Variants in ALPK2 observed in about 807,000 individuals in gnomAD.
ALPK2 encodes the protein alpha kinase 2, also known as alpha-protein kinase 2.
In ALPK2, 127 loss-of-function variants were observed where a neutral mutation model predicts 163.1. That is an observed-to-expected ratio of 0.78 (90% CI 0.67 to 0.90). The LOEUF is 0.90. Among genes scored for constraint, ALPK2 ranks in the 40% least tolerant of loss-of-function variants. The probability of loss-of-function intolerance (pLI) is 0.00; values close to 1 mark genes in which losing one functional copy is unlikely to be tolerated. For synonymous variants in ALPK2, 953 were observed against 959.1 expected (o/e 0.99, Z 0.12); for missense variants, 2,360 against 2,589.6 (o/e 0.91, Z 1.92).
chr18:58,611,343 G>T (rs1602239769), intron 2 of ALPK2, among the ~76,000 whole-genome samples: 1 of 151,336 alleles, frequency 6.6e-6, no homozygotes, highest in Non-Finnish European at 1.5e-5. Flanking sequence ...GAAAAAAAGT[G>T]ATTCATGCCA....
At chr18:58,514,230 A>G (rs1202629365) in intron 10 of ALPK2, among the ~76,000 whole-genome samples, 1 of 152,204 alleles carries the variant, frequency 6.6e-6, no homozygotes, top group East Asian at 1.9e-4. Flanking sequence ...GTACCACCCA[A>G]GGGAAACTAT....
At chr18:58,487,991 A>T (rs2051349040) in intron 12 of ALPK2, among the ~76,000 whole-genome samples, 1 of 152,180 alleles carries the variant, frequency 6.6e-6, no homozygotes, top group East Asian at 1.9e-4. Context: ...TGGATTCAGT[A>T]GGTCTGGAGT....
At position 58,516,994 on chromosome 18, in the gene ALPK2, A is replaced by G; in HGVS notation, c.5854T>C (p.Cys1952Arg). ...LMPVFKPGHA[C>R]VLKVHNAIAY... is the part of the protein sequence containing the mutation. Reference sequence around the variant, plus strand: ...ATGGCATTGTGCACCTTAAGCACACAGGCATGGCCAGGTTTGAAGACAGGC... The same window carrying G: ...ATGGCATTGTGCACCTTAAGCACACGGGCATGGCCAGGTTTGAAGACAGGC... Residue 1952 changes from cysteine (C) to arginine (R), a missense_variant, in exon 9 of 13, where the codon TGT becomes CGT. By Grantham distance (180) the Cys-to-Arg change is radical. Transcript: ENST00000361673. 1 of 1,614,226 alleles carries G rather than the reference A, an allele frequency of 6.2e-7. No individual in the cohort carries two copies. The highest frequency in any genetic ancestry group is 8.5e-7 in the Non-Finnish European group (1 of 1,180,032).
Position 58,534,841 on chromosome 18 carries a change from T to C in ALPK2, c.5346A>G (p.Glu1782=). 6.2e-7 allele frequency: 1 copy of C among 1,607,648 alleles called. No individual in the cohort carries two copies. Residue 1782 remains glutamate, a synonymous_variant, in exon 5 of 13, where the codon GAA becomes GAG. Transcript: ENST00000361673. ...ACAGCAACAGAACCTCACCTCTTCC[T>C]TCTCTTTTGCAAGATGGCTTTTTTG... ...QDPKKPSCKR[E]GRAPVLLKKI...
intron 3 of ALPK2, among the ~76,000 whole-genome samples, chr18:58,593,389 C>G (rs1302125119): frequency 6.6e-6 from 1 of 150,380 alleles, no homozygotes; most frequent in African/African-American, 2.5e-5. Flanking sequence ...CATGGTGAAA[C>G]CCCATCTCTA....
At chr18:58,520,507 T>A (rs1231590546) in intron 8 of ALPK2, among the ~76,000 whole-genome samples, 1 of 150,568 alleles carries the variant, frequency 6.6e-6, no homozygotes, top group Non-Finnish European at 1.5e-5. Context: ...AGATGAGTGT[T>A]GGGAGATTCA....
At chr18:58,622,691 C>T (rs1359593068) in intron 1 of ALPK2, among the ~76,000 whole-genome samples, 1 of 152,202 alleles carries the variant, frequency 6.6e-6, no homozygotes, top group Non-Finnish European at 1.5e-5. Flanking sequence ...GGGCCGACTG[C>T]TCTGTCCAGT....
chr18:58,502,183 G>GGA (rs1555661853), intron 11 of ALPK2, among the ~76,000 whole-genome samples: 2 of 80,556 alleles, frequency 2.5e-5, no homozygotes, highest in East Asian at 7.3e-4. Context: ...CACACACAAA[G>GGA]AAAAAAAAAA....
intron 4 of ALPK2, among the ~76,000 whole-genome samples, chr18:58,561,283 G>T (rs1325516018): frequency 6.6e-6 from 1 of 152,168 alleles, no homozygotes; most frequent in East Asian, 1.9e-4. Flanking sequence ...TGTGAGGAAG[G>T]GCTGGATGGT....
At chr18:58,525,471 TG>T (rs770332719) in intron 6 of ALPK2, among the ~76,000 whole-genome samples, 1 of 152,180 alleles carries the variant, frequency 6.6e-6, no homozygotes, top group Non-Finnish European at 1.5e-5. Context: ...CCCGAAGGGC[TG>T]GGGGCTGAAC....
chr18:58,502,353 TCAAA>T (rs1318045140), intron 11 of ALPK2, among the ~76,000 whole-genome samples: 5 of 151,926 alleles, frequency 3.3e-5, no homozygotes, highest in Non-Finnish European at 1.5e-5. Flanking sequence ...ACACCCTGTC[TCAAA>T]CAAATAAAAA....
In ALPK2 at chr18:58,528,952, T is replaced by A. The variant is rs904858981; in HGVS notation, c.5501+139A>T. 1.0e-5 allele frequency: 11 copies of A among 1,054,614 alleles called. No individual in the cohort carries two copies. The African/African-American group carries it at 1.8e-4, about 17-fold the overall frequency. 65.3% of individuals were successfully genotyped at this position (1,054,614 alleles called of 1,614,324 possible). ...CACTTGTCTTCCGATATTTAGTCTT[T>A]TTTAATATTGTGGATGTGGAATCTC... On this transcript the variant is annotated intron_variant, in intron 6 of 12. Coordinates refer to ENST00000361673, the MANE Select transcript of ALPK2 (RefSeq NM_052947.4).
At chr18:58,573,608 GTCT>G (rs1555673491) in intron 4 of ALPK2, among the ~76,000 whole-genome samples, 1 of 35,618 alleles carries the variant, frequency 2.8e-5, no homozygotes, top group Non-Finnish European at 5.4e-5. Flanking sequence ...TGCCATTTTT[GTCT>G]TCTTTTTTTT....
At chr18:58,603,618 T>C (rs1023507008) in intron 3 of ALPK2, among the ~76,000 whole-genome samples, 20 of 152,186 alleles carry the variant, frequency 1.3e-4, no homozygotes, top group African/African-American at 4.6e-4. Context: ...GCCTCCCTGC[T>C]GAGGAGGGGG....
intron 12 of ALPK2, among the ~76,000 whole-genome samples, chr18:58,492,504 A>C (rs573164591): frequency 1.3e-5 from 2 of 152,110 alleles, no homozygotes; most frequent in South Asian, 4.2e-4. Context: ...TCTTCACCCC[A>C]TGCTGTCCAC....
chr18:58,607,343 A>C lies in ALPK2; in HGVS notation c.206T>G (p.Ile69Ser). 6.2e-7 allele frequency: 1 copy of C among 1,613,032 alleles called. No homozygotes were observed. Among genetic ancestry groups the C allele is most frequent in the Non-Finnish European group, 8.5e-7 (1 of 1,179,342 alleles). The change falls in exon 3 of 13, where the codon ATT (isoleucine) becomes AGT (serine). Residue 69 changes from isoleucine (I) to serine (S), a missense_variant. Coordinates refer to ENST00000361673, the MANE Select transcript of ALPK2 (RefSeq NM_052947.4). ...TTACCAAGAGAGATGTAACACATGA[A>C]TATACTGATTCTCAAAGAATTCATA... ...SNYEFFENQY[I>S]HVLHLSCCTK...
chr18:58,539,775 C>G (rs2051680976), intron 4 of ALPK2, among the ~76,000 whole-genome samples: 1 of 152,174 alleles, frequency 6.6e-6, no homozygotes, highest in African/African-American at 2.4e-5. Context: ...TCATACATGA[C>G]AGTCAGTCTT....
chr18:58,543,065 T>C (rs979569715), intron 4 of ALPK2, among the ~76,000 whole-genome samples: 2 of 152,118 alleles, frequency 1.3e-5, no homozygotes, highest in African/African-American at 4.8e-5. Flanking sequence ...GGCTGAAGGA[T>C]TGATACGTTA....
At chr18:58,507,085 G>T (rs1333392724) in intron 10 of ALPK2, among the ~76,000 whole-genome samples, 2 of 152,244 alleles carry the variant, frequency 1.3e-5, no homozygotes, top group African/African-American at 4.8e-5. Flanking sequence ...AGAGGAAAAT[G>T]TGAGATGCTG....
Sources: allele counts gnomAD v4.1 joint callset (sites outside exome capture counted in the v4.1 genomes callset), GRCh38; gene constraint gnomAD v4.1.1; transcripts MANE v1.5; gene names NCBI Gene and HGNC (gene_info 2026-07-23, HGNC 2026-07-21).